R3HDM1: variants seen among roughly 807,000 people sequenced by gnomAD.
The protein encoded by R3HDM1 is R3H domain-containing protein 1.
A neutral mutation model predicts 141.1 loss-of-function variants in R3HDM1; 46 were observed. The ratio of observed to expected loss-of-function variants is 0.33; its 90% CI spans 0.26 to 0.42. R3HDM1 has a LOEUF of 0.42. Among genes scored for constraint, R3HDM1 ranks in the 10% least tolerant of loss-of-function variants. R3HDM1 has a pLI of 1.00. For missense variants in R3HDM1, 1,184 were observed against 1,368.3 expected, an observed-to-expected ratio of 0.87 and a Z score of 2.12; for synonymous variants, 435 against 472.9, an observed-to-expected ratio of 0.92 and a Z score of 1.04.
chr2:135,663,553 A>G (rs905253396), intron 19 of R3HDM1, among the ~76,000 whole-genome samples: 2 of 152,230 alleles, frequency 1.3e-5, no homozygotes, highest in Non-Finnish European at 2.9e-5. Context: ...GAATTTTGTT[A>G]TGCTAATAAG....
chr2:135,665,577 C>T (rs2067367177), intron 19 of R3HDM1: 1 of 356,696 alleles, frequency 2.8e-6, no homozygotes, highest in Non-Finnish European at 6.2e-6. Flanking sequence ...ATTGTAATAC[C>T]TTTAAATCAT....
In R3HDM1 at chr2:135,686,925, G is replaced by A. The variant is rs1214573471; in HGVS notation, c.2459+6601G>A. Among the ~76,000 whole-genome samples, 6 of 152,282 alleles carry A rather than the reference G, an allele frequency of 3.9e-5. No individual in the cohort carries two copies. In the East Asian group the frequency reaches 7.7e-4, roughly 20 times the overall value. ...CTAAAATAGTCAAACTTGGCTGGGCGCAGTGGCTCATACCTGTAATCCCAG... is the reference window on the plus strand; with the variant it reads ...CTAAAATAGTCAAACTTGGCTGGGCACAGTGGCTCATACCTGTAATCCCAG... On this transcript the variant is annotated intron_variant, in intron 21 of 26. Coordinates refer to ENST00000683871, the MANE Select transcript of R3HDM1 (RefSeq NM_001378107.1).
rs553720396 is a variant in R3HDM1 at position 135,544,482 on chromosome 2, G to A, written c.-250+12849G>A. ...GTATTCATATAGTTTCCTATTATCC[G>A]GCCTTTTAACTACAAATGTTATTGA... On this transcript the variant is annotated intron_variant, in intron 1 of 26. Transcript: ENST00000683871. Among the ~76,000 whole-genome samples, 8 of 152,134 alleles carry A rather than the reference G, an allele frequency of 5.3e-5. No individual in the cohort carries two copies. The East Asian group carries it at 1.5e-3, about 29-fold the overall frequency.
At chr2:135,610,497 G>A (rs1229831655) in intron 3 of R3HDM1, among the ~76,000 whole-genome samples, 1 of 152,184 alleles carries the variant, frequency 6.6e-6, no homozygotes, top group Admixed American at 6.5e-5. Context: ...TAAGCCCTTC[G>A]ATAATCAAGA....
At chr2:135,558,106 A>G (rs560151922) in intron 1 of R3HDM1, among the ~76,000 whole-genome samples, 8 of 152,346 alleles carry the variant, frequency 5.3e-5, no homozygotes, top group Admixed American at 2.0e-4. Flanking sequence ...TGTAATGCCA[A>G]TTCTTTAAGC....
At chr2:135,595,103 G>GTC (rs1163006364) in intron 1 of R3HDM1, among the ~76,000 whole-genome samples, 1 of 151,902 alleles carries the variant, frequency 6.6e-6, no homozygotes, top group Admixed American at 6.6e-5. Flanking sequence ...TGAGCTCCAA[G>GTC]TCTATATATC....
At chr2:135,603,011 T>C (rs1050196860) in intron 2 of R3HDM1, among the ~76,000 whole-genome samples, 3 of 152,196 alleles carry the variant, frequency 2.0e-5, no homozygotes, top group Non-Finnish European at 2.9e-5. Context: ...AGATGGAGTC[T>C]CACTCTGTCA....
intron 3 of R3HDM1, among the ~76,000 whole-genome samples, chr2:135,615,002 A>G (rs1319286517): frequency 6.6e-6 from 1 of 152,212 alleles, no homozygotes; most frequent in Non-Finnish European, 1.5e-5. Flanking sequence ...TGGCACTGCC[A>G]TATTCATGTG....
At chr2:135,702,731 C>T (rs1158237330) in intron 21 of R3HDM1, among the ~76,000 whole-genome samples, 1 of 151,062 alleles carries the variant, frequency 6.6e-6, no homozygotes, top group African/African-American at 2.4e-5. Flanking sequence ...GAAAGAGAAT[C>T]ACTTGAACTT....
chr2:135,565,314 T>A (rs1040237470), intron 1 of R3HDM1, among the ~76,000 whole-genome samples: 4 of 143,224 alleles, frequency 2.8e-5, no homozygotes, highest in African/African-American at 1.1e-4. Context: ...TCCTTGCCAA[T>A]GAAAAAAAAT....
intron 21 of R3HDM1, 54 bp from the exon 22 acceptor site, chr2:135,709,379 G>A (rs2075355728): frequency 6.2e-7 from 1 of 1,606,540 alleles, no homozygotes; most frequent in Non-Finnish European, 8.5e-7. Context: ...GCCCATTCAA[G>A]AATGTTTATA....
chr2:135,578,522 A>G (rs1369085407), intron 1 of R3HDM1, among the ~76,000 whole-genome samples: 2 of 152,224 alleles, frequency 1.3e-5, no homozygotes, highest in African/African-American at 4.8e-5. Flanking sequence ...AAATAACATA[A>G]AATAACTTAG....
intron 3 of R3HDM1, among the ~76,000 whole-genome samples, chr2:135,612,601 C>T (rs951703551): frequency 6.6e-6 from 1 of 152,004 alleles, no homozygotes; most frequent in African/African-American, 2.4e-5. Flanking sequence ...TCGCCTAGTT[C>T]CTGTCTTATA....
At chr2:135,574,335 A>G (rs912735022) in intron 1 of R3HDM1, among the ~76,000 whole-genome samples, 9 of 152,238 alleles carry the variant, frequency 5.9e-5, no homozygotes, top group African/African-American at 2.2e-4. Context: ...ACTAATTTCC[A>G]TAAAAGAAAT....
At chr2:135,635,848 T>A in intron 9 of R3HDM1, 42 bp from the exon 10 acceptor site, 1 of 1,541,902 alleles carries the variant, frequency 6.5e-7, no homozygotes, top group Non-Finnish European at 8.7e-7. Flanking sequence ...ATATTGTTCA[T>A]TATCTTTTCC....
intron 3 of R3HDM1, among the ~76,000 whole-genome samples, chr2:135,615,623 T>C (rs1179026569): frequency 6.6e-6 from 1 of 152,216 alleles, no homozygotes; most frequent in Non-Finnish European, 1.5e-5. Context: ...ACCTGATGAA[T>C]AGGTTTCTAT....
In R3HDM1 at chr2:135,652,257, G is replaced by T. The variant is rs532091894; in HGVS notation, c.2028+225G>T. Reference sequence around the variant, plus strand: ...TGGTAAAGTATGTGAGCTTTGAGGGGTTTTTTTTCTGAGAGGTATGGGTTT... The same window carrying T: ...TGGTAAAGTATGTGAGCTTTGAGGGTTTTTTTTTCTGAGAGGTATGGGTTT... On this transcript the variant is annotated intron_variant, in intron 18 of 26. Transcript: ENST00000683871. Among the ~76,000 whole-genome samples the T allele has an allele frequency of 2.3e-4, 35 of 152,036 alleles. No homozygotes were observed. In the East Asian group the frequency reaches 5.8e-3, roughly 25 times the overall value.
At chr2:135,633,870 G>A (rs2062977330) in intron 9 of R3HDM1, 1 of 152,230 alleles carries the variant, frequency 6.6e-6, no homozygotes, top group Non-Finnish European at 1.5e-5. Context: ...TGCCAGTGCT[G>A]TTGGTGTGGG....
At chr2:135,563,028 G>T (rs1312085577) in intron 1 of R3HDM1, among the ~76,000 whole-genome samples, 1 of 152,132 alleles carries the variant, frequency 6.6e-6, no homozygotes, top group Non-Finnish European at 1.5e-5. Context: ...TAAGTTATTT[G>T]GTCATCCTCA....
Sources: allele counts gnomAD v4.1 joint callset (sites outside exome capture counted in the v4.1 genomes callset), GRCh38; gene constraint gnomAD v4.1.1; transcripts MANE v1.5; gene names NCBI Gene and HGNC (gene_info 2026-07-23, HGNC 2026-07-21).